Variants in AKAP6 observed in about 807,000 individuals in gnomAD.
The protein encoded by AKAP6 is A-kinase anchoring protein 6, also known as A-kinase anchor protein 6.
A neutral mutation model predicts 188.5 loss-of-function variants in AKAP6; 58 were observed. That is an observed-to-expected ratio of 0.31 (90% CI 0.25 to 0.38). AKAP6 has a LOEUF of 0.38. Among genes scored for constraint, AKAP6 ranks in the 10% least tolerant of loss-of-function variants. The probability of loss-of-function intolerance (pLI) is 1.00; values close to 1 mark genes in which losing one functional copy is unlikely to be tolerated. For synonymous variants in AKAP6, 989 were observed against 998.6 expected, an observed-to-expected ratio of 0.99 and a Z score of 0.18; for missense variants, 2,710 against 2,740.0, an observed-to-expected ratio of 0.99 and a Z score of 0.24.
At chr14:32,717,036 G>A (rs1210863808) in intron 9 of AKAP6, among the ~76,000 whole-genome samples, 2 of 152,108 alleles carry the variant, frequency 1.3e-5, no homozygotes, top group African/African-American at 4.8e-5. Context: ...GATGACCATG[G>A]AAATATGAAA....
chr14:32,378,489 G>T (rs1261987703), intron 1 of AKAP6, among the ~76,000 whole-genome samples: 3 of 152,166 alleles, frequency 2.0e-5, no homozygotes, highest in Admixed American at 2.0e-4. Flanking sequence ...CATTTTTAAA[G>T]CTTCCTTTGA....
rs145913492 is a variant in AKAP6 at position 32,653,738 on chromosome 14, G to A, written c.2731-24573G>A. 4.0e-3 allele frequency among the ~76,000 whole-genome samples: 605 copies of A among 152,242 alleles called. 4 individuals are homozygous for A. The highest frequency in any genetic ancestry group is 5.2e-3 in the Non-Finnish European group (352 of 68,014). On this transcript the variant is annotated intron_variant, in intron 7 of 13. Transcript: ENST00000280979. Reference sequence around the variant, plus strand: ...TTATCTTGAAGAATACAATGAAATCGAGAAGTATTAAGTAATAAGTTTGTA... The same window carrying A: ...TTATCTTGAAGAATACAATGAAATCAAGAAGTATTAAGTAATAAGTTTGTA...
At chr14:32,598,656 C>T (rs1002770207) in intron 5 of AKAP6, among the ~76,000 whole-genome samples, 4 of 152,062 alleles carry the variant, frequency 2.6e-5, no homozygotes, top group Non-Finnish European at 4.4e-5. Flanking sequence ...ATAAATTTTA[C>T]AATAGAAGCA....
At chr14:32,717,478 CT>C (rs1029986189) in intron 9 of AKAP6, among the ~76,000 whole-genome samples, 4 of 151,926 alleles carry the variant, frequency 2.6e-5, no homozygotes, top group African/African-American at 7.2e-5. Context: ...TTTTTCCTAT[CT>C]GGTGAAACCT....
intron 4 of AKAP6, among the ~76,000 whole-genome samples, chr14:32,565,855 G>A (rs910243808): frequency 1.3e-5 from 2 of 152,162 alleles, no homozygotes; most frequent in African/African-American, 4.8e-5. Context: ...TTCATTTTAG[G>A]AATGCCATTC....
At chr14:32,395,481 G>A (rs1436701872) in intron 1 of AKAP6, among the ~76,000 whole-genome samples, 1 of 152,084 alleles carries the variant, frequency 6.6e-6, no homozygotes, top group Non-Finnish European at 1.5e-5. Flanking sequence ...AATGGAATTT[G>A]GGGGAAATCA....
intron 7 of AKAP6, among the ~76,000 whole-genome samples, chr14:32,623,410 A>T (rs1033487739): frequency 6.6e-6 from 1 of 152,112 alleles, no homozygotes; most frequent in Non-Finnish European, 1.5e-5. Context: ...TTGGCTGGTG[A>T]CTTAACAATG....
chr14:32,390,875 T>C lies in AKAP6; in HGVS notation c.-34-42585T>C, dbSNP rs557453242. The stretch of plus-strand genomic sequence containing the variant: ...CGACGCAAGCCTCCATATGCTGCTC[T>C]GTCCATCCAAGTCAGAGCTGCAATC... On this transcript the variant is annotated intron_variant, in intron 1 of 13. Coordinates refer to ENST00000280979, the MANE Select transcript of AKAP6 (RefSeq NM_004274.5). 2.4e-4 allele frequency among the ~76,000 whole-genome samples: 36 copies of C among 152,316 alleles called. 1 individual carries two copies. The South Asian group carries it at 3.7e-3, about 16-fold the overall frequency.
At chr14:32,804,135 T>G (rs1039185575) in intron 12 of AKAP6, among the ~76,000 whole-genome samples, 5 of 152,230 alleles carry the variant, frequency 3.3e-5, no homozygotes, top group African/African-American at 7.2e-5. Flanking sequence ...CCAATAAATG[T>G]TAGTTGTTAT....
chr14:32,344,780 G>A (rs754177806), intron 1 of AKAP6, among the ~76,000 whole-genome samples: 4 of 152,064 alleles, frequency 2.6e-5, no homozygotes, highest in Non-Finnish European at 5.9e-5. Flanking sequence ...GCTGGGTGTG[G>A]TGGCATACCC....
At chr14:32,795,722 A>C (rs2033746616) in intron 12 of AKAP6, among the ~76,000 whole-genome samples, 1 of 152,232 alleles carries the variant, frequency 6.6e-6, no homozygotes, top group South Asian at 2.1e-4. Flanking sequence ...AAAAACTGGC[A>C]CAAGACAAGG....
chr14:32,826,842 A>AT (rs1003037788), intron 13 of AKAP6, among the ~76,000 whole-genome samples: 36 of 152,284 alleles, frequency 2.4e-4, no homozygotes, highest in African/African-American at 8.2e-4. Flanking sequence ...AGTCAGCAGT[A>AT]TTTTTTGTTA....
At chr14:32,643,496 CG>C (rs1353179606) in intron 7 of AKAP6, among the ~76,000 whole-genome samples, 1 of 151,884 alleles carries the variant, frequency 6.6e-6, no homozygotes, top group African/African-American at 2.4e-5. Flanking sequence ...TTAGTAGAGA[CG>C]GGGTTTCACC....
intron 5 of AKAP6, among the ~76,000 whole-genome samples, chr14:32,582,962 A>T (rs1885049411): frequency 1.3e-5 from 2 of 152,068 alleles, no homozygotes; most frequent in Non-Finnish European, 2.9e-5. Flanking sequence ...GAGTAGTTTG[A>T]TCATCTGAAG....
chr14:32,691,608 G>T (rs980976957), intron 8 of AKAP6, among the ~76,000 whole-genome samples: 1 of 152,146 alleles, frequency 6.6e-6, no homozygotes, highest in Middle Eastern at 3.4e-3. Context: ...GCCCAGGCTG[G>T]AGTACAATGC....
intron 13 of AKAP6, among the ~76,000 whole-genome samples, chr14:32,825,776 C>T (rs771014498): frequency 7.2e-5 from 11 of 152,122 alleles, no homozygotes; most frequent in South Asian, 2.1e-4. Context: ...CTCCACCCCC[C>T]ACTCCAGAAG....
At chr14:32,575,698 T>C (rs1296873693) in intron 4 of AKAP6, among the ~76,000 whole-genome samples, 3 of 152,190 alleles carry the variant, frequency 2.0e-5, no homozygotes, top group African/African-American at 4.8e-5. Context: ...TCCCTGGGTG[T>C]GACTCTCCTT....
chr14:32,795,068 C>T (rs1252696811), intron 12 of AKAP6, among the ~76,000 whole-genome samples: 1 of 152,096 alleles, frequency 6.6e-6, no homozygotes, highest in Non-Finnish European at 1.5e-5. Flanking sequence ...CATGCACCCT[C>T]ACAAGACTGA....
intron 7 of AKAP6, among the ~76,000 whole-genome samples, chr14:32,651,770 T>G (rs2139533615): frequency 6.6e-6 from 1 of 152,294 alleles, no homozygotes; most frequent in African/African-American, 2.4e-5. Flanking sequence ...TCAGCATAAA[T>G]TTTGAAGGGG....
Sources: gnomAD v4.1 joint callset for allele counts (sites outside exome capture counted in the v4.1 genomes callset) on GRCh38, gnomAD v4.1.1 for gene constraint, MANE v1.5 for transcripts, NCBI Gene and HGNC (gene_info 2026-07-23, HGNC 2026-07-21) for gene names.